Variants in CDH2 observed in about 807,000 individuals in gnomAD.
The protein encoded by CDH2 is cadherin-2.
In CDH2, 17 loss-of-function variants were observed where a neutral mutation model predicts 92.0. The ratio of observed to expected loss-of-function variants is 0.18; its 90% CI spans 0.13 to 0.28. The LOEUF (loss-of-function observed/expected upper bound fraction) is 0.28, where lower values mean the gene tolerates loss of function less well. CDH2 is among the 10% of genes least tolerant of loss of function. The probability of loss-of-function intolerance (pLI) is 1.00; values close to 1 mark genes in which losing one functional copy is unlikely to be tolerated. For synonymous variants in CDH2, 419 were observed against 415.9 expected, an observed-to-expected ratio of 1.01 and a Z score of -0.09; for missense variants, 862 against 1,133.1, an observed-to-expected ratio of 0.76 and a Z score of 3.44.
At position 28,147,655 on chromosome 18, in the gene CDH2, T is replaced by C. The variant is rs1441111264; in HGVS notation, c.172+18A>G. 15 of 1,469,140 alleles carry C rather than the reference T, an allele frequency of 1.0e-5. No homozygotes were observed. Among genetic ancestry groups the C allele is most frequent in the Non-Finnish European group, 1.4e-5 (15 of 1,054,992 alleles). The allele number at this position is 1,469,140 out of a possible 1,614,324, so 91.0% of individuals were successfully genotyped here. Reference sequence around the variant, plus strand: ...AGCATGGACACTGCATGTACAAATATATCTTTTGAGATAGTACCATTGAGA... The same window carrying C: ...AGCATGGACACTGCATGTACAAATACATCTTTTGAGATAGTACCATTGAGA... On this transcript the variant is annotated intron_variant, in intron 2 of 15. Transcript: ENST00000269141.
At chr18:27,987,286 T>C (rs924549331) in intron 11 of CDH2, among the ~76,000 whole-genome samples, 25 of 152,200 alleles carry the variant, frequency 1.6e-4, no homozygotes, top group African/African-American at 5.8e-4. Context: ...AATGACATGC[T>C]TTGATGTACA....
At chr18:28,018,657 T>A (rs988586520) in intron 2 of CDH2, among the ~76,000 whole-genome samples, 1 of 151,194 alleles carries the variant, frequency 6.6e-6, no homozygotes, top group African/African-American at 2.4e-5. Flanking sequence ...ATGGCCATAA[T>A]AAAAAAAATA....
At chr18:27,976,463 G>A (rs2011833720) in intron 14 of CDH2, among the ~76,000 whole-genome samples, 1 of 152,210 alleles carries the variant, frequency 6.6e-6, no homozygotes, top group Admixed American at 6.5e-5. Flanking sequence ...AGAGCCTTCT[G>A]ACAAATTCGC....
chr18:27,979,397 C>G (rs565927773), intron 14 of CDH2, among the ~76,000 whole-genome samples: 1 of 152,204 alleles, frequency 6.6e-6, no homozygotes, highest in South Asian at 2.1e-4. Flanking sequence ...AGGGAGGTGT[C>G]AATTGTATGA....
At chr18:28,047,263 T>G (rs1177001259) in intron 2 of CDH2, among the ~76,000 whole-genome samples, 1 of 152,210 alleles carries the variant, frequency 6.6e-6, no homozygotes, top group Non-Finnish European at 1.5e-5. Context: ...TGATTAAAAT[T>G]AGATATCTAT....
intron 14 of CDH2, among the ~76,000 whole-genome samples, chr18:27,970,018 AAAATT>A (rs1239020181): frequency 1.3e-5 from 2 of 151,862 alleles, no homozygotes; most frequent in Admixed American, 6.6e-5. Flanking sequence ...TAATAATAAA[AAAATT>A]AAAATAATGA....
intron 2 of CDH2, among the ~76,000 whole-genome samples, chr18:28,064,781 C>T (rs1003566458): frequency 6.6e-6 from 1 of 151,966 alleles, no homozygotes; most frequent in African/African-American, 2.4e-5. Context: ...AGAATCAGGT[C>T]CCCTTCTTCG....
At chr18:28,059,732 G>T (rs2014363139) in intron 2 of CDH2, among the ~76,000 whole-genome samples, 1 of 152,190 alleles carries the variant, frequency 6.6e-6, no homozygotes, top group African/African-American at 2.4e-5. Flanking sequence ...ATGCAGATAT[G>T]CAAGCATATT....
intron 2 of CDH2, among the ~76,000 whole-genome samples, chr18:28,033,562 T>C (rs898710904): frequency 2.6e-5 from 4 of 152,036 alleles, no homozygotes; most frequent in African/African-American, 9.7e-5. Flanking sequence ...TTAAATTCCA[T>C]TGTAGGTTTT....
At chr18:28,035,916 T>C (rs1273288782) in intron 2 of CDH2, among the ~76,000 whole-genome samples, 1 of 152,146 alleles carries the variant, frequency 6.6e-6, no homozygotes, top group East Asian at 1.9e-4. Context: ...TAGTAAATTA[T>C]ATGAATTAAG....
At chr18:28,116,685 T>C (rs1300936972) in intron 2 of CDH2, among the ~76,000 whole-genome samples, 33 of 152,174 alleles carry the variant, frequency 2.2e-4, no homozygotes, top group Non-Finnish European at 1.2e-4. Context: ...ATGATTGTCA[T>C]TTCCCTGTTT....
At chr18:28,176,698 A>G (rs2016547881) in intron 1 of CDH2, among the ~76,000 whole-genome samples, 1 of 151,978 alleles carries the variant, frequency 6.6e-6, no homozygotes, top group Non-Finnish European at 1.5e-5. Context: ...GGCCCCGAAG[A>G]AGGAGCAGAG....
At chr18:28,052,875 A>T (rs995638340) in intron 2 of CDH2, among the ~76,000 whole-genome samples, 1 of 152,186 alleles carries the variant, frequency 6.6e-6, no homozygotes, top group African/African-American at 2.4e-5. Context: ...ATGCATTAAA[A>T]TCTTAACTCC....
At chr18:27,993,375 T>C in intron 8 of CDH2, 125 bp downstream of exon 8, 1 of 908,074 alleles carries the variant, frequency 1.1e-6, no homozygotes. Context: ...ATGTCCGAGT[T>C]AGCAGCCATG....
chr18:28,114,469 T>C (rs896658430), intron 2 of CDH2, among the ~76,000 whole-genome samples: 4 of 152,098 alleles, frequency 2.6e-5, no homozygotes, highest in African/African-American at 9.7e-5. Context: ...CAGAAACATA[T>C]ATCCAATCGG....
At chr18:27,934,361 G>C (rs959366644) in intron 6 of CDH2, among the ~76,000 whole-genome samples, 1 of 152,094 alleles carries the variant, frequency 6.6e-6, no homozygotes, top group Non-Finnish European at 1.5e-5. Flanking sequence ...TTTGCTTTGA[G>C]GTACAGATTT....
intron 2 of CDH2, among the ~76,000 whole-genome samples, chr18:28,059,664 G>C (rs2014361935): frequency 6.6e-6 from 1 of 152,202 alleles, no homozygotes; most frequent in Non-Finnish European, 1.5e-5. Context: ...ATAAAAGCCA[G>C]TTAAGATCTT....
At chr18:28,166,174 G>GA (rs1555648269) in intron 1 of CDH2, among the ~76,000 whole-genome samples, 1 of 40,718 alleles carries the variant, frequency 2.5e-5, no homozygotes. Context: ...ATATATATAT[G>GA]TCTGTATTTT....
chr18:27,940,817 T>C (rs930699217), intron 6 of CDH2, among the ~76,000 whole-genome samples: 2 of 152,170 alleles, frequency 1.3e-5, no homozygotes, highest in African/African-American at 4.8e-5. Flanking sequence ...TGTCTCACCA[T>C]TAAGAAGTCA....
Sources: gnomAD v4.1 joint callset for allele counts (sites outside exome capture counted in the v4.1 genomes callset) on GRCh38, gnomAD v4.1.1 for gene constraint, MANE v1.5 for transcripts, NCBI Gene and HGNC (gene_info 2026-07-23, HGNC 2026-07-21) for gene names.